Variants in EIF2B3 observed in about 807,000 individuals in gnomAD.
The protein encoded by EIF2B3 is eukaryotic translation initiation factor 2B subunit gamma.
A neutral mutation model predicts 54.1 loss-of-function variants in EIF2B3; 20 were observed. That is an observed-to-expected ratio of 0.37 (90% CI 0.26 to 0.54). The LOEUF (loss-of-function observed/expected upper bound fraction) is 0.54. EIF2B3 is among the 20% of genes least tolerant of loss of function. The pLI is 0.86. For missense variants in EIF2B3, 448 were observed against 547.8 expected (o/e 0.82, Z 1.82); for synonymous variants, 153 against 188.1 (o/e 0.81, Z 1.52).
At chr1:44,927,327 T>G (rs572089535) in intron 4 of EIF2B3, among the ~76,000 whole-genome samples, 199 of 152,154 alleles carry the variant, frequency 1.3e-3, no homozygotes, top group Non-Finnish European at 2.3e-3. Flanking sequence ...AGGGAACTTT[T>G]TACTCATGGC....
chr1:44,866,208 C>T (rs550259073), intron 10 of EIF2B3, among the ~76,000 whole-genome samples: 19 of 152,046 alleles, frequency 1.2e-4, no homozygotes, highest in Admixed American at 2.0e-4. Flanking sequence ...ACCAGCCTGG[C>T]CAGCATGGAG....
intron 6 of EIF2B3, among the ~76,000 whole-genome samples, chr1:44,892,392 C>T (rs973789472): frequency 6.6e-6 from 1 of 151,908 alleles, no homozygotes; most frequent in African/African-American, 2.4e-5. Flanking sequence ...CCAGCCTGGG[C>T]AACATATTGA....
At chr1:44,964,541 A>G (rs1425590740) in intron 3 of EIF2B3, among the ~76,000 whole-genome samples, 2 of 152,354 alleles carry the variant, frequency 1.3e-5, no homozygotes, top group South Asian at 4.1e-4. Context: ...AGTCTTTCTA[A>G]TAAGCTGTCT....
intron 8 of EIF2B3, among the ~76,000 whole-genome samples, chr1:44,878,688 A>G (rs1655278623): frequency 6.6e-6 from 1 of 151,674 alleles, no homozygotes; most frequent in Non-Finnish European, 1.5e-5. Flanking sequence ...TCTTTTCATT[A>G]TCTCACCTCT....
chr1:44,939,311 G>C (rs1643994565), intron 4 of EIF2B3, among the ~76,000 whole-genome samples: 1 of 152,018 alleles, frequency 6.6e-6, no homozygotes, highest in African/African-American at 2.4e-5. Flanking sequence ...GCTATAGAAA[G>C]TTACCAGTAT....
chr1:44,905,927 C>A (rs1429427237), intron 5 of EIF2B3, among the ~76,000 whole-genome samples: 1 of 152,178 alleles, frequency 6.6e-6, no homozygotes. Context: ...TGTTCACCCT[C>A]ACCCATCTCA....
At chr1:44,851,044 C>T (rs372972999) in intron 11 of EIF2B3, 41 bp from the exon 12 acceptor site, 14 of 1,596,728 alleles carry the variant, frequency 8.8e-6, no homozygotes, top group Middle Eastern at 1.7e-4. Context: ...GAACTGGCAG[C>T]AAGATGACAT....
At chr1:44,980,620 C>T (rs1244445213) in intron 2 of EIF2B3, among the ~76,000 whole-genome samples, 1 of 152,150 alleles carries the variant, frequency 6.6e-6, no homozygotes, top group Non-Finnish European at 1.5e-5. Flanking sequence ...CTTTTCAATT[C>T]TGTACCTCCG....
chr1:44,885,692 T>C (rs192029551), intron 6 of EIF2B3, among the ~76,000 whole-genome samples: 2 of 152,016 alleles, frequency 1.3e-5, no homozygotes, highest in East Asian at 3.9e-4. Context: ...TATTCAACAA[T>C]GATAGATCAA....
chr1:44,861,897 G>A (rs1335404557), intron 10 of EIF2B3, among the ~76,000 whole-genome samples: 1 of 152,144 alleles, frequency 6.6e-6, no homozygotes, highest in African/African-American at 2.4e-5. Context: ...TTATTGTGCA[G>A]CCCAAATCAC....
intron 4 of EIF2B3, chr1:44,932,300 A>C (rs1050857795): frequency 2.0e-5 from 3 of 152,230 alleles, no homozygotes; most frequent in Non-Finnish European, 4.4e-5. Flanking sequence ...CCAGAAACTT[A>C]GACTACTGGG....
At chr1:44,911,125 G>T (rs1191692174) in intron 5 of EIF2B3, among the ~76,000 whole-genome samples, 2 of 152,202 alleles carry the variant, frequency 1.3e-5, no homozygotes, top group Non-Finnish European at 2.9e-5. Flanking sequence ...AGGAAGTACT[G>T]TATTCTCATA....
At chr1:44,968,015 G>A (rs1644363311) in intron 3 of EIF2B3, among the ~76,000 whole-genome samples, 1 of 151,964 alleles carries the variant, frequency 6.6e-6, no homozygotes, top group Non-Finnish European at 1.5e-5. Context: ...TCCAGCCTGG[G>A]CGACAGAGTG....
intron 1 of EIF2B3, 129 bp downstream of exon 1, chr1:44,986,364 A>C (rs1204823286): frequency 6.6e-6 from 1 of 152,156 alleles, no homozygotes; most frequent in Non-Finnish European, 1.5e-5. Flanking sequence ...ACACAGCTAC[A>C]CCGGGTCGAG....
At chr1:44,978,652 T>TTTTTTTC (rs1644480327) in intron 2 of EIF2B3, among the ~76,000 whole-genome samples, 192 bp from the exon 3 acceptor site, 1 of 119,172 alleles carries the variant, frequency 8.4e-6, no homozygotes, top group Non-Finnish European at 1.7e-5. Context: ...TTTTTTTTTT[T>TTTTTTTC]TACAGACAGG....
At position 44,933,997 on chromosome 1, in the gene EIF2B3, C is replaced by T. The variant is rs181842440; in HGVS notation, c.455-7258G>A. ...ATTAGCCAGGCATGGTGGCACATGC[C>T]TGTAATCCCAGCTACTAGGGAGGCT... On this transcript the variant is annotated intron_variant, in intron 4 of 11. Transcript: ENST00000360403. 2.5e-3 allele frequency among the ~76,000 whole-genome samples: 382 copies of T among 152,228 alleles called. 2 individuals carry two copies. The highest frequency in any genetic ancestry group is 8.8e-3 in the African/African-American group (364 of 41,520).
chr1:44,943,496 T>G (rs1045894955), intron 3 of EIF2B3, among the ~76,000 whole-genome samples: 3 of 151,904 alleles, frequency 2.0e-5, no homozygotes, highest in Admixed American at 6.6e-5. Flanking sequence ...CATGGCTTAC[T>G]GCAGCCTCGA....
chr1:44,985,493 C>A (rs1644564483), intron 1 of EIF2B3, among the ~76,000 whole-genome samples: 1 of 152,184 alleles, frequency 6.6e-6, no homozygotes, highest in Non-Finnish European at 1.5e-5. Flanking sequence ...GTAAGAGTGA[C>A]TTTCTTGGAC....
At chr1:44,858,365 A>G (rs1654503091) in intron 10 of EIF2B3, among the ~76,000 whole-genome samples, 1 of 152,128 alleles carries the variant, frequency 6.6e-6, no homozygotes, top group Admixed American at 6.6e-5. Flanking sequence ...ACCAAATTTC[A>G]TTTGAGGCTC....
Sources: gnomAD v4.1 joint callset for allele counts (sites outside exome capture counted in the v4.1 genomes callset) on GRCh38, gnomAD v4.1.1 for gene constraint, MANE v1.5 for transcripts, NCBI Gene and HGNC (gene_info 2026-07-23, HGNC 2026-07-21) for gene names.